ZNF620: variants seen among roughly 807,000 people sequenced by gnomAD.
The protein encoded by ZNF620 is zinc finger protein 620.
A neutral mutation model predicts 13.3 loss-of-function variants in ZNF620; 10 were observed. The observed-to-expected ratio is 0.75, with a 90% CI of 0.46 to 1.28. The LOEUF (loss-of-function observed/expected upper bound fraction) is 1.28. Ranked by LOEUF, ZNF620 falls within the 50% of genes most tolerant of loss-of-function variation. The pLI, the probability that ZNF620 is intolerant of heterozygous loss-of-function variation, is 0.00. For missense variants in ZNF620, 461 were observed against 500.2 expected (o/e 0.92, Z 0.75); for synonymous variants, 166 against 177.6 (o/e 0.93, Z 0.52).
intron 2 of ZNF620, among the ~76,000 whole-genome samples, chr3:40,510,580 T>C (rs1472993286): frequency 6.6e-6 from 1 of 152,234 alleles, no homozygotes; most frequent in African/African-American, 2.4e-5. Flanking sequence ...ATTTACAAAA[T>C]CCTTAGCTCA....
At chr3:40,514,476 A>G (rs939754985) in intron 4 of ZNF620, among the ~76,000 whole-genome samples, 5 of 151,936 alleles carry the variant, frequency 3.3e-5, no homozygotes, top group African/African-American at 7.3e-5. Context: ...CTTTTCTTCT[A>G]TCTCTTTGTC....
chr3:40,508,119 A>G (rs1698087420), intron 2 of ZNF620, among the ~76,000 whole-genome samples: 1 of 152,026 alleles, frequency 6.6e-6, no homozygotes, highest in Admixed American at 6.6e-5. Flanking sequence ...CTAGAGGTTT[A>G]TGAATTTTAT....
At chr3:40,511,075 A>G (rs1292815209) in intron 2 of ZNF620, among the ~76,000 whole-genome samples, 2 of 152,076 alleles carry the variant, frequency 1.3e-5, no homozygotes, top group Non-Finnish European at 2.9e-5. Flanking sequence ...CTATTATGTT[A>G]CTATCACTTT....
intron 4 of ZNF620, 40 bp from the exon 5 acceptor site, chr3:40,515,820 G>GTT: frequency 4.9e-6 from 6 of 1,233,274 alleles, no homozygotes; most frequent in East Asian, 6.2e-5. Context: ...GTGTGTGTGT[G>GTT]ATATCAGGGA....
rs760645675 is a variant in ZNF620, at chr3:40,515,816, GTGTGA to G, written c.266-42_266-38del. On this transcript the variant is annotated intron_variant, in intron 4 of 4. Coordinates refer to ENST00000314529, the MANE Select transcript of ZNF620 (RefSeq NM_175888.4). ...TGTGTGTGTGTGTGTGTGTGTGTGT[GTGTGA>G]TATCAGGGACTGACATTTGTATTTT... is the stretch of plus-strand genomic sequence containing the variant. 8,839 of 1,352,420 alleles carry G rather than the reference GTGTGA, an allele frequency of 6.5e-3. 168 individuals are homozygous for G. The highest frequency in any genetic ancestry group is 0.018 in the East Asian group (731 of 40,220). 83.8% of individuals were successfully genotyped at this position (1,352,420 alleles called of 1,614,324 possible). A position where few individuals can be genotyped will look rare whatever the true frequency, so the allele number is the denominator to read the frequency against.
intron 3 of ZNF620, 78 bp from the exon 4 acceptor site, chr3:40,512,324 A>T: frequency 1.6e-6 from 2 of 1,215,364 alleles, no homozygotes; most frequent in Non-Finnish European, 2.4e-6. Context: ...GGCTCAGCAG[A>T]TAAAGATAAA....
At chr3:40,506,281 G>A in intron 1 of ZNF620, 23 bp from the exon 2 acceptor site, 2 of 1,598,318 alleles carry the variant, frequency 1.3e-6, no homozygotes, top group South Asian at 1.1e-5. Context: ...AATCTCACCG[G>A]TGCTTCTTTA....
chr3:40,511,404 C>G, intron 2 of ZNF620, 66 bp from the exon 3 acceptor site: 1 of 1,582,454 alleles, frequency 6.3e-7, no homozygotes, highest in Non-Finnish European at 8.6e-7. Flanking sequence ...CAGTAGATCT[C>G]TGCCCCACTA....
intron 4 of ZNF620, 24 bp from the exon 5 acceptor site, chr3:40,515,836 A>G: frequency 6.4e-7 from 1 of 1,574,542 alleles, no homozygotes; most frequent in Non-Finnish European, 8.6e-7. Context: ...AGGGACTGAC[A>G]TTTGTATTTT....
At position 40,511,503 on chromosome 3, in the gene ZNF620, T is replaced by C. The variant is rs760159637; in HGVS notation, c.58T>C (p.Phe20Leu). 5.5e-5 allele frequency: 88 copies of C among 1,613,612 alleles called. No homozygotes were observed. Among genetic ancestry groups the C allele is most frequent in the African/African-American group, 6.7e-5 (5 of 74,900 alleles). The change falls in exon 3 of 5, where the codon TTC becomes CTC. Residue 20 changes from phenylalanine (F) to leucine (L), a missense_variant. Transcript: ENST00000314529. ...GACCTTTGAGGATGTGGCTGTGTAC[T>C]TCACCCAGAATGAATGGGCCAGCCT... ...PVTFEDVAVY[F>L]TQNEWASLDS...
At chr3:40,506,183 A>C in intron 1 of ZNF620, 45 bp downstream of exon 1, 1 of 800,582 alleles carries the variant, frequency 1.2e-6, no homozygotes, top group Non-Finnish European at 2.1e-6. Context: ...TGGTTTTGCA[A>C]CCCCTTTGCT....
intron 4 of ZNF620, among the ~76,000 whole-genome samples, chr3:40,513,943 A>G (rs1022721704): frequency 6.6e-6 from 1 of 152,180 alleles, no homozygotes; most frequent in African/African-American, 2.4e-5. Flanking sequence ...GTCTAGCGGT[A>G]ATGCCAGTGC....
At chr3:40,509,870 ACTT>A (rs1370838241) in intron 2 of ZNF620, among the ~76,000 whole-genome samples, 10 of 152,164 alleles carry the variant, frequency 6.6e-5, no homozygotes, top group African/African-American at 2.4e-4. Flanking sequence ...TATAGGGCTC[ACTT>A]CTTTTCTTTC....
In ZNF620 at chr3:40,506,666, C is replaced by T. The variant is rs1404301614; in HGVS notation, c.24+290C>T. ...GACCCCTTTCACCCTAGTCCGCAGG[C>T]TTGGAGAAGTACTTACTTCTTCAGT... On this transcript the variant is annotated intron_variant, in intron 2 of 4. Coordinates refer to ENST00000314529, the MANE Select transcript of ZNF620 (RefSeq NM_175888.4). Among the ~76,000 whole-genome samples, 3 of 152,192 alleles carry T rather than the reference C, an allele frequency of 2.0e-5. No individual in the cohort carries two copies. The East Asian group carries it at 5.8e-4, about 29-fold the overall frequency.
chr3:40,510,498 T>C lies in ZNF620; in HGVS notation c.25-972T>C, dbSNP rs191842953. 2.6e-5 allele frequency among the ~76,000 whole-genome samples: 4 copies of C among 152,300 alleles called. No homozygotes were observed. In the East Asian group the frequency reaches 7.7e-4, roughly 29 times the overall value. ...TTTTCATTCATTGTCCTAAATACTT[T>C]GTTGGTCCTTCCTTCTCTATGTTGC... On this transcript the variant is annotated intron_variant, in intron 2 of 4. Coordinates refer to ENST00000314529, the MANE Select transcript of ZNF620 (RefSeq NM_175888.4).
chr3:40,508,241 T>C (rs1321951158), intron 2 of ZNF620, among the ~76,000 whole-genome samples: 1 of 152,192 alleles, frequency 6.6e-6, no homozygotes, highest in East Asian at 1.9e-4. Context: ...TTAAATTTGC[T>C]ATTCTTTTTT....
At position 40,506,063 on chromosome 3, in the gene ZNF620, G is replaced by C; in HGVS notation, c.-125G>C. 1.9e-6 allele frequency: 1 copy of C among 527,576 alleles called. No homozygotes were observed. Among genetic ancestry groups the C allele is most frequent in the Middle Eastern group, 5.3e-4 (1 of 1,874 alleles). The allele number at this position is 527,576 out of a possible 1,614,324, so 32.7% of individuals were successfully genotyped here. A position where few individuals can be genotyped will look rare whatever the true frequency, so the allele number is the denominator to read the frequency against. On this transcript the variant is annotated 5_prime_UTR_variant, in exon 1 of 5. Coordinates refer to ENST00000314529, the MANE Select transcript of ZNF620 (RefSeq NM_175888.4). ...CAAGCTTTCCCCGGTGTCGGCGGCA[G>C]GTGGAATTTCCACGCTTTATCTGCG... is the stretch of plus-strand genomic sequence containing the variant.
chr3:40,516,634 C>G lies in ZNF620; in HGVS notation c.1040C>G (p.Ser347Cys), dbSNP rs1372843586. 7.4e-6 allele frequency: 12 copies of G among 1,613,738 alleles called. No homozygotes were observed. The change falls in exon 5 of 5, where the codon TCC (serine) becomes TGC (cysteine). Residue 347 changes from serine to cysteine, a missense_variant. Ser to Cys is a moderately radical substitution (Grantham distance 112). Transcript: ENST00000314529. ...AAAGAGTGTGGAAAACGATTAAGCT[C>G]CAACACAGCCTTGACTCAGCATCAG... The part of the protein sequence containing the change: ...ECKECGKRLS[S>C]NTALTQHQRI...
In ZNF620 at chr3:40,515,802, GT is replaced by G. The variant is rs1166606741; in HGVS notation, c.266-57del. The G allele has an allele frequency of 5.9e-4, 823 of 1,389,652 alleles. 4 individuals carry two copies. In the Middle Eastern group the frequency reaches 0.011, roughly 19 times the overall value. The allele number at this position is 1,389,652 out of a possible 1,614,324, so 86.1% of individuals were successfully genotyped here. A position where few individuals can be genotyped will look rare whatever the true frequency, so the allele number is the denominator to read the frequency against. On this transcript the variant is annotated intron_variant, in intron 4 of 4. Transcript: ENST00000314529. ...ATATTGTGTGTGTGTGTGTGTGTGTGTGTGTGTGTGTGTGTGTGATATCAGG... is the reference window on the plus strand; with the variant it reads ...ATATTGTGTGTGTGTGTGTGTGTGTGGTGTGTGTGTGTGTGTGATATCAGG...
Sources: allele counts gnomAD v4.1 joint callset (sites outside exome capture counted in the v4.1 genomes callset), GRCh38; gene constraint gnomAD v4.1.1; transcripts MANE v1.5; gene names NCBI Gene and HGNC (gene_info 2026-07-23, HGNC 2026-07-21).